BSN: variants seen among roughly 807,000 people sequenced by gnomAD.
The protein encoded by BSN is bassoon presynaptic cytomatrix protein.
In BSN, 57 loss-of-function variants were observed where a neutral mutation model predicts 264.8. That is an observed-to-expected ratio of 0.22 (90% confidence interval 0.17 to 0.27). The LOEUF is 0.27. Among genes scored for constraint, BSN ranks in the 10% least tolerant of loss-of-function variants. The pLI is 1.00. For missense variants in BSN, 4,615 were observed against 5,232.5 expected (o/e 0.88, Z 3.64); for synonymous variants, 2,059 against 2,137.3 (o/e 0.96, Z 1.01).
rs981347820 is a variant in BSN, at chr3:49,668,462, C to G, written c.*977C>G. 6.5e-6 allele frequency: 1 copy of G among 152,780 alleles called. No individual in the cohort carries two copies. Among genetic ancestry groups the G allele is most frequent in the African/African-American group, 2.4e-5 (1 of 41,466 alleles). 9.5% of individuals were successfully genotyped at this position (152,780 alleles called of 1,614,324 possible). A position where few individuals can be genotyped will look rare whatever the true frequency, so the allele number is the denominator to read the frequency against. On this transcript the variant is annotated 3_prime_UTR_variant, in exon 12 of 12. Transcript: ENST00000296452. ...CTTGGCTCACTCCCTTGCCTCTCCC[C>G]CTCCACCACCACCTTGTGACTGATG...
rs1401972826 is a variant in BSN, at chr3:49,662,075, T to A, written c.10230T>A (p.Tyr3410Ter). The change falls in exon 6 of 12, where the codon TAT becomes TAA. Residue 3410 changes from tyrosine to a stop codon, truncating the protein, a stop_gained. Coordinates refer to ENST00000296452, the MANE Select transcript of BSN (RefSeq NM_003458.4). LOFTEE classifies it high-confidence loss of function. ...GGAAGTTCCAGGATGAAATCACCTATGGGCTCAAGAAGAACGTGTATGAGC... is the reference window on the plus strand; with the variant it reads ...GGAAGTTCCAGGATGAAATCACCTAAGGGCTCAAGAAGAACGTGTATGAGC... ...RGRKFQDEIT[Y>*]GLKKNVYEQQ... 1 of 1,613,498 alleles carries A rather than the reference T, an allele frequency of 6.2e-7. No individual in the cohort carries two copies. Among genetic ancestry groups the A allele is most frequent in the African/African-American group, 1.3e-5 (1 of 74,928 alleles).
At chr3:49,646,560 C>T (rs190596663) in intron 3 of BSN, among the ~76,000 whole-genome samples, 43 of 152,308 alleles carry the variant, frequency 2.8e-4, no homozygotes, top group African/African-American at 1.0e-3. Flanking sequence ...ACAATACTCC[C>T]TTTTAGGTTT....
At chr3:49,665,582 G>A (rs1329682640) in intron 11 of BSN, among the ~76,000 whole-genome samples, 2 of 152,238 alleles carry the variant, frequency 1.3e-5, no homozygotes, top group Non-Finnish European at 2.9e-5. Flanking sequence ...TCTATGTGCT[G>A]GGCACTGAGT....
At position 49,654,406 on chromosome 3, in the gene BSN, G is replaced by A. The variant is rs774334613; in HGVS notation, c.4850G>A (p.Arg1617Gln). The A allele has an allele frequency of 6.2e-6, 10 of 1,601,290 alleles. No homozygotes were observed. Among genetic ancestry groups the A allele is most frequent in the African/African-American group, 1.3e-5 (1 of 74,896 alleles). ...CCACCTGGGCCACCTGGCTTTCCAC[G>A]GGTGCCCAGTGCTGGTGCAGATGGG... ...PEPPGPPGFP[R>Q]VPSAGADGPL... is the part of the protein sequence containing the mutation. Residue 1617 changes from arginine (R) to glutamine (Q), a missense_variant, in exon 5 of 12, where the codon CGG becomes CAG. Coordinates refer to ENST00000296452, the MANE Select transcript of BSN (RefSeq NM_003458.4). This position sits in a 1 kb window ranked among gnomAD's most constrained non-coding sequence, Gnocchi z 4.1.
At chr3:49,630,237 AG>A (rs1234962076) in intron 2 of BSN, among the ~76,000 whole-genome samples, 4 of 152,172 alleles carry the variant, frequency 2.6e-5, no homozygotes, top group Non-Finnish European at 4.4e-5. Flanking sequence ...CAGTGTACTG[AG>A]GGGAGGTAAA....
In BSN at chr3:49,661,729, C is replaced by T. The variant is rs2052657555; in HGVS notation, c.9884C>T (p.Ser3295Leu). Reference protein sequence around the residue: ...ARGEEESEEDSYDPRGKGGHL... With the variant: ...ARGEEESEEDLYDPRGKGGHL... ...GGAGAAGAGGAATCTGAGGAGGACT[C>T]ATACGATCCCCGCGGGAAGGGTGGC... Residue 3295 changes from serine (S) to leucine (L), a missense_variant, in exon 6 of 12, where the codon TCA becomes TTA. Ser to Leu is a moderately radical substitution (Grantham distance 145). Around this residue, in one of 3 missense-constraint regions of BSN, gnomAD observed 3,415 missense variants for 3,866.4 expected, o/e 0.88. Transcript: ENST00000296452. 2 of 1,613,556 alleles carry T rather than the reference C, an allele frequency of 1.2e-6. No homozygotes were observed. The highest frequency in any genetic ancestry group is 1.7e-6 in the Non-Finnish European group (2 of 1,180,038).
rs757745972 is a variant in BSN at position 49,652,603 on chromosome 3, TAGA to T, written c.3053_3055del (p.Glu1018del). 3 of 1,613,388 alleles carry T rather than the reference TAGA, an allele frequency of 1.9e-6. No individual in the cohort carries two copies. The highest frequency in any genetic ancestry group is 1.1e-5 in the South Asian group (1 of 91,076). On this transcript the variant is annotated inframe_deletion, in exon 5 of 12. Coordinates refer to ENST00000296452, the MANE Select transcript of BSN (RefSeq NM_003458.4). ...AGCAGCCCCAGCCGCAGGCAGCGTC[TAGA>T]AGAAGCAAAGCAGCAGCGCAAGGCC...
intron 1 of BSN, among the ~76,000 whole-genome samples, chr3:49,617,884 T>A (rs1210704798): frequency 6.6e-6 from 1 of 152,152 alleles, no homozygotes; most frequent in Non-Finnish European, 1.5e-5. Flanking sequence ...GCTTGGGCAT[T>A]TATGGTGTGT....
chr3:49,573,739 C>T (rs1303441411), intron 1 of BSN, among the ~76,000 whole-genome samples: 1 of 150,776 alleles, frequency 6.6e-6, no homozygotes, highest in Non-Finnish European at 1.5e-5. Flanking sequence ...CTCACCACAA[C>T]CTCTGCCTCC....
At chr3:49,586,713 C>T (rs1403001635) in intron 1 of BSN, among the ~76,000 whole-genome samples, 1 of 152,218 alleles carries the variant, frequency 6.6e-6, no homozygotes, top group Non-Finnish European at 1.5e-5. Context: ...AAAATGAGTT[C>T]ACTGTAGGTG....
intron 3 of BSN, 115 bp from the exon 4 acceptor site, chr3:49,650,497 T>G (rs2052532271): frequency 1.0e-6 from 1 of 996,542 alleles, no homozygotes; most frequent in Non-Finnish European, 1.5e-6. Flanking sequence ...GTCTTTGGTG[T>G]TATGCTTTGA....
In BSN at chr3:49,663,778, G is replaced by C. The variant is rs754864505; in HGVS notation, c.11509-9G>C. Reference sequence around the variant, plus strand: ...GGGCAGAATCTTAGCTATAGGTTCTGTGTTGCAGCCACGGGCAGAACAGAC... The same window carrying C: ...GGGCAGAATCTTAGCTATAGGTTCTCTGTTGCAGCCACGGGCAGAACAGAC... On this transcript the variant is annotated splice_polypyrimidine_tract_variant and intron_variant, in intron 7 of 11. Transcript: ENST00000296452. 1 of 1,614,160 alleles carries C rather than the reference G, an allele frequency of 6.2e-7. No homozygotes were observed. Among genetic ancestry groups the C allele is most frequent in the Non-Finnish European group, 8.5e-7 (1 of 1,180,022 alleles).
chr3:49,583,663 C>A (rs1272818783), intron 1 of BSN, among the ~76,000 whole-genome samples: 1 of 152,116 alleles, frequency 6.6e-6, no homozygotes, highest in Admixed American at 6.6e-5. Context: ...TAGTAGGATT[C>A]ACCAGTGAAG....
intron 9 of BSN, 29 bp downstream of exon 9, chr3:49,664,583 T>G (rs745934913): frequency 1.3e-6 from 2 of 1,570,846 alleles, no homozygotes; most frequent in Non-Finnish European, 1.7e-6. Flanking sequence ...TGGTCTGTGG[T>G]GGGTGGCTAC....
At chr3:49,622,519 C>T (rs1228532736) in intron 1 of BSN, among the ~76,000 whole-genome samples, 1 of 152,196 alleles carries the variant, frequency 6.6e-6, no homozygotes, top group Non-Finnish European at 1.5e-5. Flanking sequence ...TAAAAAGTCA[C>T]TGTATATATA....
intron 1 of BSN, among the ~76,000 whole-genome samples, chr3:49,599,098 C>T (rs891281010): frequency 6.6e-5 from 10 of 152,112 alleles, no homozygotes; most frequent in African/African-American, 2.4e-4. Context: ...GCTTTTAAGC[C>T]TGTTTGCCCC....
intron 1 of BSN, among the ~76,000 whole-genome samples, chr3:49,565,609 C>T (rs1023794352): frequency 2.6e-5 from 4 of 151,904 alleles, no homozygotes; most frequent in Admixed American, 6.5e-5. Flanking sequence ...CGTGAGCTAC[C>T]GCGCCCGGCC....
At chr3:49,666,218 C>G (rs1187737764) in intron 11 of BSN, among the ~76,000 whole-genome samples, 3 of 152,216 alleles carry the variant, frequency 2.0e-5, no homozygotes, top group African/African-American at 7.2e-5. Flanking sequence ...CAGGTCACTT[C>G]AAGGGAGCCC....
chr3:49,664,815 C>G lies in BSN; in HGVS notation c.11757C>G (p.Gly3919=). 1 of 1,544,270 alleles carries G rather than the reference C, an allele frequency of 6.5e-7. No individual in the cohort carries two copies. Among genetic ancestry groups the G allele is most frequent in the Non-Finnish European group, 8.8e-7 (1 of 1,137,872 alleles). ...TTGTCACAGCTGTCTCTGCTTTTGG[C>G]AAAAAATTTTCCTCATTCTGGTGAC... is the stretch of plus-strand genomic sequence containing the variant. The part of the protein sequence containing the change: ...GKLTEAVSAF[G]KKFSSFW The change falls in exon 10 of 12, where the codon GGC becomes GGG. Residue 3919 remains glycine (G), a synonymous_variant. Transcript: ENST00000296452.
Sources: allele counts gnomAD v4.1 joint callset (sites outside exome capture counted in the v4.1 genomes callset), GRCh38; gene constraint gnomAD v4.1.1; regional missense constraint gnomAD v4.1.1; non-coding constraint Gnocchi (gnomAD v3.1); transcripts MANE v1.5; gene names NCBI Gene and HGNC (gene_info 2026-07-23, HGNC 2026-07-21).